The following SYT2 variants were observed in gnomAD, a reference collection of about 807,000 sequenced individuals.
The protein encoded by SYT2 is synaptotagmin-2.
In SYT2, 15 loss-of-function variants were observed where a neutral mutation model predicts 39.9. The ratio of observed to expected loss-of-function variants is 0.38; its 90% CI spans 0.25 to 0.58. SYT2 has a LOEUF of 0.58. SYT2 is among the 20% of genes least tolerant of loss of function. The pLI is 0.70. For synonymous variants in SYT2, 181 were observed against 204.5 expected, an observed-to-expected ratio of 0.89 and a Z score of 0.98; for missense variants, 389 against 530.3, an observed-to-expected ratio of 0.73 and a Z score of 2.62.
intron 1 of SYT2, among the ~76,000 whole-genome samples, chr1:202,621,685 C>T (rs805961): frequency 0.53 from 80,883 of 152,066 alleles, 23,430 homozygotes; most frequent in Middle Eastern, 0.66. Flanking sequence ...AGGTGGGAGG[C>T]ATGCTGCAGG....
intron 1 of SYT2, among the ~76,000 whole-genome samples, chr1:202,677,031 T>C (rs530812273): frequency 1.3e-5 from 2 of 152,180 alleles, no homozygotes; most frequent in South Asian, 4.2e-4. Context: ...GCTCTGGCCA[T>C]GTGAATACAG....
At chr1:202,644,982 GC>G (rs1692049297) in intron 1 of SYT2, among the ~76,000 whole-genome samples, 1 of 152,326 alleles carries the variant, frequency 6.6e-6, no homozygotes, top group South Asian at 2.1e-4. Flanking sequence ...CTGCAGAAAA[GC>G]TGATTCAGGG....
rs567263034 is a variant in SYT2 at position 202,644,431 on chromosome 1, C to T, written c.-17-38642G>A. Among the ~76,000 whole-genome samples, 428 of 152,282 alleles carry T rather than the reference C, an allele frequency of 2.8e-3. 3 individuals are homozygous for T. The highest frequency in any genetic ancestry group is 9.3e-3 in the African/African-American group (388 of 41,550). On this transcript the variant is annotated intron_variant, in intron 1 of 8. Transcript: ENST00000367268. ...GAGCCTGGGCAGCACTCCTGTGCCT[C>T]AGTGTCACCCTTGGGCCTCACCCTC...
chr1:202,665,402 T>C (rs1692461632), intron 1 of SYT2, among the ~76,000 whole-genome samples: 1 of 152,248 alleles, frequency 6.6e-6, no homozygotes, highest in Non-Finnish European at 1.5e-5. Flanking sequence ...GCTAAGTACA[T>C]ATGACAAGGC....
intron 1 of SYT2, among the ~76,000 whole-genome samples, chr1:202,698,112 A>AG (rs567375148): frequency 2.0e-5 from 3 of 150,386 alleles, no homozygotes; most frequent in African/African-American, 7.3e-5. Flanking sequence ...GGGTCTCACC[A>AG]CCCCCCCAAG....
In SYT2 at chr1:202,596,056, G is replaced by A. The variant is rs1182935719; in HGVS notation, c.*701C>T. On this transcript the variant is annotated 3_prime_UTR_variant, in exon 9 of 9. Transcript: ENST00000367268. ...GCCTCCCAAATAGCCACCAACAGGA[G>A]TATGAAAGCCCCGATATCTGAACAG... 6.6e-6 allele frequency: 1 copy of A among 152,138 alleles called. No homozygotes were observed. The highest frequency in any genetic ancestry group is 1.5e-5 in the Non-Finnish European group (1 of 68,042). The allele number at this position is 152,138 out of a possible 1,614,324, so 9.4% of individuals were successfully genotyped here.
intron 1 of SYT2, among the ~76,000 whole-genome samples, chr1:202,644,058 A>C (rs1001530511): frequency 6.6e-6 from 1 of 152,194 alleles, no homozygotes; most frequent in African/African-American, 2.4e-5. Flanking sequence ...ATGGAACAAA[A>C]GGCAGATGCT....
intron 1 of SYT2, among the ~76,000 whole-genome samples, chr1:202,612,218 T>C (rs184019257): frequency 6.6e-6 from 1 of 152,206 alleles, no homozygotes; most frequent in East Asian, 1.9e-4. Context: ...AATATGAGGG[T>C]TTATTTCTGG....
intron 1 of SYT2, among the ~76,000 whole-genome samples, chr1:202,684,671 G>A (rs886199134): frequency 6.6e-6 from 1 of 152,156 alleles, no homozygotes; most frequent in African/African-American, 2.4e-5. Context: ...GTCTCTGGGT[G>A]TCTCTGCTCC....
At position 202,599,409 on chromosome 1, in the gene SYT2, C is replaced by A; in HGVS notation, c.920-58G>T. The A allele has an allele frequency of 6.5e-7, 1 of 1,541,418 alleles. No individual in the cohort carries two copies. Among genetic ancestry groups the A allele is most frequent in the South Asian group, 1.3e-5 (1 of 77,112 alleles). On this transcript the variant is annotated intron_variant, in intron 7 of 8. Transcript: ENST00000367268. This position sits in a 1 kb window ranked among gnomAD's most constrained non-coding sequence, Gnocchi z 4.4. Reference sequence around the variant, plus strand: ...TCCCCTTAGCCCCCAGCCTTCCTGCCGAATGTACCAAGGCCTGCCCAGAGC... The same window carrying A: ...TCCCCTTAGCCCCCAGCCTTCCTGCAGAATGTACCAAGGCCTGCCCAGAGC...
At chr1:202,647,108 C>T (rs889409515) in intron 1 of SYT2, among the ~76,000 whole-genome samples, 1 of 152,178 alleles carries the variant, frequency 6.6e-6, no homozygotes, top group African/African-American at 2.4e-5. Flanking sequence ...AGACCTTACC[C>T]TCCTTCATGA....
intron 1 of SYT2, among the ~76,000 whole-genome samples, chr1:202,693,534 G>T (rs1388767333): frequency 6.6e-6 from 1 of 152,190 alleles, no homozygotes; most frequent in Non-Finnish European, 1.5e-5. Context: ...AACTTTCTAA[G>T]AAGGAAGCCA....
At chr1:202,675,564 T>C (rs2149110747) in intron 1 of SYT2, among the ~76,000 whole-genome samples, 1 of 152,286 alleles carries the variant, frequency 6.6e-6, no homozygotes, top group South Asian at 2.1e-4. Context: ...TGGGCTTTTC[T>C]GTTTCTAACC....
At chr1:202,710,224 G>A (rs1286998092) in intron 1 of SYT2, 34 bp downstream of exon 1, 1 of 152,392 alleles carries the variant, frequency 6.6e-6, no homozygotes, top group African/African-American at 2.4e-5. Flanking sequence ...GGAGAGGGAG[G>A]TCCGTGCCCC....
At position 202,705,058 on chromosome 1, in the gene SYT2, G is replaced by A. The variant is rs533241975; in HGVS notation, c.-18+5200C>T. ...GTTAGTGGCCTCATCCCAAGGACCC[G>A]CACCTGTATTCTCGGGCTCCATTTG... is the stretch of plus-strand genomic sequence containing the variant. On this transcript the variant is annotated intron_variant, in intron 1 of 8. Coordinates refer to ENST00000367268, the MANE Select transcript of SYT2 (RefSeq NM_177402.5). 3.9e-5 allele frequency among the ~76,000 whole-genome samples: 6 copies of A among 152,368 alleles called. No individual in the cohort carries two copies. In the South Asian group the frequency reaches 1.2e-3, roughly 32 times the overall value.
chr1:202,697,056 T>C (rs890430016), intron 1 of SYT2, among the ~76,000 whole-genome samples: 1 of 152,228 alleles, frequency 6.6e-6, no homozygotes, highest in Non-Finnish European at 1.5e-5. Flanking sequence ...CTATCAATGC[T>C]GCCTCCAGTA....
chr1:202,673,726 G>C (rs1453287321), intron 1 of SYT2, among the ~76,000 whole-genome samples: 1 of 152,220 alleles, frequency 6.6e-6, no homozygotes, highest in Non-Finnish European at 1.5e-5. Flanking sequence ...TTACTACTCT[G>C]TTCCCATGGC....
At chr1:202,665,388 C>T (rs965891503) in intron 1 of SYT2, among the ~76,000 whole-genome samples, 3 of 152,134 alleles carry the variant, frequency 2.0e-5, no homozygotes, top group African/African-American at 7.2e-5. Flanking sequence ...TTACTAAGTC[C>T]TGGGCTAAGT....
intron 1 of SYT2, among the ~76,000 whole-genome samples, chr1:202,693,570 C>T (rs951530753): frequency 3.9e-5 from 6 of 152,122 alleles, no homozygotes; most frequent in African/African-American, 1.4e-4. Flanking sequence ...AAATTTGGAG[C>T]ATGTGTAACA....
Sources: allele counts gnomAD v4.1 joint callset (sites outside exome capture counted in the v4.1 genomes callset), GRCh38; gene constraint gnomAD v4.1.1; non-coding constraint Gnocchi (gnomAD v3.1); transcripts MANE v1.5; gene names NCBI Gene and HGNC (gene_info 2026-07-23, HGNC 2026-07-21).